POMT2: variants seen among roughly 807,000 people sequenced by gnomAD.
The protein encoded by POMT2 is protein O-mannosyl-transferase 2.
Under a neutral mutation model 100.0 loss-of-function variants are expected in POMT2, and 75 were observed. The ratio of observed to expected loss-of-function variants is 0.75; its 90% confidence interval spans 0.62 to 0.91. POMT2 has a LOEUF of 0.91. Ranked by LOEUF, POMT2 falls within the 40% of genes least tolerant of loss-of-function variation. The probability of loss-of-function intolerance (pLI) is 0.00; values close to 1 mark genes in which losing one functional copy is unlikely to be tolerated. For synonymous variants in POMT2, 378 were observed against 374.1 expected (o/e 1.01, Z -0.12); for missense variants, 940 against 955.1 (o/e 0.98, Z 0.21).
At chr14:77,301,635 C>A (rs2042045) in intron 5 of POMT2, among the ~76,000 whole-genome samples, 45,613 of 152,034 alleles carry the variant, frequency 0.3, 7,319 homozygotes, top group East Asian at 0.45. Flanking sequence ...TTGTCGAAGG[C>A]AGCATTTACC....
intron 2 of POMT2, among the ~76,000 whole-genome samples, chr14:77,310,468 T>C (rs1238745238): frequency 4.6e-5 from 7 of 152,180 alleles, no homozygotes. Context: ...TGTTATAGTA[T>C]AAAAGAGATA....
At chr14:77,296,909 C>T (rs1890852425) in intron 8 of POMT2, among the ~76,000 whole-genome samples, 3 of 152,228 alleles carry the variant, frequency 2.0e-5, no homozygotes, top group Admixed American at 2.0e-4. Flanking sequence ...AGAAGAATTA[C>T]ACACTGGATC....
intron 1 of POMT2, chr14:77,312,243 GC>G: frequency 1.4e-6 from 1 of 724,362 alleles, no homozygotes; most frequent in Non-Finnish European, 2.1e-6. Flanking sequence ...GATGAGAAAG[GC>G]GAGCAAATAT....
chr14:77,295,359 G>A (rs896017962), intron 9 of POMT2, among the ~76,000 whole-genome samples: 1 of 152,180 alleles, frequency 6.6e-6, no homozygotes, highest in East Asian at 1.9e-4. Flanking sequence ...CAGGCTGGGC[G>A]CGGTGGCTCA....
chr14:77,292,745 T>C (rs1235545816), intron 9 of POMT2, among the ~76,000 whole-genome samples: 1 of 152,246 alleles, frequency 6.6e-6, no homozygotes, highest in Non-Finnish European at 1.5e-5. Flanking sequence ...TGTTTAGATA[T>C]GTTTAAGTTA....
Position 77,296,214 on chromosome 14 carries a change from G to A in POMT2, c.1066C>T (p.His356Tyr). The A allele has an allele frequency of 6.2e-7, 1 of 1,609,444 alleles. No individual in the cohort carries two copies. Among genetic ancestry groups the A allele is most frequent in the East Asian group, 2.2e-5 (1 of 44,766 alleles). ...KNLRMAIGYL[H>Y]SHRHLYPEGI... is the part of the protein sequence containing the mutation. ...TCGGGGTAGAGGTGCCTGTGGGAGT[G>A]CAGATAGCCGATGGCCATCCGGAGG... is the stretch of plus-strand genomic sequence containing the variant. The change falls in exon 9 of 21, where the codon CAC becomes TAC. Residue 356 changes from histidine (H) to tyrosine (Y), a missense_variant. Coordinates refer to ENST00000261534, the MANE Select transcript of POMT2 (RefSeq NM_013382.7).
intron 13 of POMT2, 157 bp downstream of exon 13, chr14:77,285,324 T>A: frequency 9.9e-7 from 1 of 1,011,830 alleles, no homozygotes; most frequent in Non-Finnish European, 1.5e-6. Context: ...AGTTCTGTGC[T>A]CCATAATACA....
intron 3 of POMT2, among the ~76,000 whole-genome samples, chr14:77,305,164 T>C (rs1363339741): frequency 6.6e-6 from 1 of 152,202 alleles, no homozygotes; most frequent in Non-Finnish European, 1.5e-5. Flanking sequence ...AGCCATTAGC[T>C]TCTATTACAC....
chr14:77,287,540 C>CTA (rs1393003892), intron 11 of POMT2: 13 of 90,166 alleles, frequency 1.4e-4, no homozygotes, highest in Non-Finnish European at 1.7e-4. Context: ...CTCTCTCTCT[C>CTA]TCTCTATATA....
At chr14:77,304,607 G>T in intron 4 of POMT2, 85 bp downstream of exon 4, 1 of 1,537,184 alleles carries the variant, frequency 6.5e-7, no homozygotes, top group Non-Finnish European at 8.8e-7. Flanking sequence ...CCACATATAG[G>T]GCCCTTGAAT....
At chr14:77,280,957 A>G (rs796693374) in intron 15 of POMT2, among the ~76,000 whole-genome samples, 27 of 152,220 alleles carry the variant, frequency 1.8e-4, no homozygotes, top group African/African-American at 6.0e-4. Context: ...AGCTGAGCGT[A>G]GCGGTGGGTG....
At chr14:77,307,910 T>G (rs1018731777) in intron 2 of POMT2, among the ~76,000 whole-genome samples, 1 of 138,866 alleles carries the variant, frequency 7.2e-6, no homozygotes, top group African/African-American at 2.7e-5. Context: ...TCACCCAGGC[T>G]GGAGTGCGGT....
At position 77,298,709 on chromosome 14, in the gene POMT2, T is replaced by C. The variant is rs752569920; in HGVS notation, c.986A>G (p.His329Arg). ...FQARLSGNNL[H>R]NASIPEHLAY... is the part of the protein sequence containing the mutation. ...CTCACGTTCAGGGATGGAAGCATTG[T>C]GCAGGTTGTTCCCTGAAAGCCGGGC... Residue 329 changes from histidine (H) to arginine (R), a missense_variant, in exon 8 of 21, where the codon CAC becomes CGC. His to Arg is a conservative substitution (Grantham distance 29, BLOSUM62 0). Coordinates refer to ENST00000261534, the MANE Select transcript of POMT2 (RefSeq NM_013382.7). 7.4e-6 allele frequency: 12 copies of C among 1,613,680 alleles called. No homozygotes were observed. Among genetic ancestry groups the C allele is most frequent in the Non-Finnish European group, 1.0e-5 (12 of 1,179,890 alleles).
At chr14:77,298,650 C>T (rs1263650408) in intron 8 of POMT2, 39 bp downstream of exon 8, 3 of 1,608,324 alleles carry the variant, frequency 1.9e-6, no homozygotes, top group East Asian at 2.2e-5. Context: ...CAGGACACCC[C>T]TCTGCCTTCT....
Position 77,320,439 on chromosome 14 carries a change from G to C in POMT2, c.243C>G (p.His81Gln). 6.5e-7 allele frequency: 1 copy of C among 1,546,590 alleles called. No individual in the cohort carries two copies. The highest frequency in any genetic ancestry group is 8.7e-7 in the Non-Finnish European group (1 of 1,146,884). Residue 81 changes from histidine to glutamine, a missense_variant, in exon 1 of 21, where the codon CAC (histidine) becomes CAG (glutamine). Physicochemically the swap from His to Gln is conservative, Grantham distance 24. Coordinates refer to ENST00000261534, the MANE Select transcript of POMT2 (RefSeq NM_013382.7). ...GAGTCCCTCCCATCACTCACCAGATGTGCGGCGGCTCGTCCAAGCGGTGGA... is the reference window on the plus strand; with the variant it reads ...GAGTCCCTCCCATCACTCACCAGATCTGCGGCGGCTCGTCCAAGCGGTGGA... ...TRFHRLDEPP[H>Q]ICWDETHFGK... is the part of the protein sequence containing the mutation.
rs116434191 is a variant in POMT2 at position 77,277,454 on chromosome 14, G to A, written c.2175C>T (p.Tyr725=). The change falls in exon 21 of 21, where the codon TAC becomes TAT. Residue 725 remains tyrosine, a synonymous_variant. Transcript: ENST00000261534. ...CCTGGGCCAGGGGACCAACCATCCC[G>A]TAAGCCAGAGGGTGGAAGAGGTAGA... The part of the protein sequence containing the change: ...YSFYLFHPLA[Y]GMVGPLAQDP... 1,911 of 1,613,812 alleles carry A rather than the reference G, an allele frequency of 1.2e-3. 18 individuals carry two copies. In the African/African-American group the frequency reaches 0.022, roughly 18 times the overall value.
intron 2 of POMT2, 71 bp downstream of exon 2, chr14:77,311,878 T>C: frequency 1.3e-6 from 2 of 1,565,572 alleles, no homozygotes; most frequent in Non-Finnish European, 1.7e-6. Flanking sequence ...AAATCCAAAA[T>C]CAAGATGTGG....
At chr14:77,311,421 T>A (rs1029062804) in intron 2 of POMT2, among the ~76,000 whole-genome samples, 1 of 152,378 alleles carries the variant, frequency 6.6e-6, no homozygotes. Flanking sequence ...TGTGCAATCA[T>A]CACCACTACC....
chr14:77,280,056 C>T lies in POMT2; in HGVS notation c.1750G>A (p.Asp584Asn). ...AGCAGATAGACTCGGAAATCTGTGT[C>T]ATTGACCCCTGAGAAGCGTAGGCCC... is the stretch of plus-strand genomic sequence containing the variant. ...YQGLRFSGVN[D>N]TDFRVYLLGN... The change falls in exon 17 of 21, where the codon GAC becomes AAC. Residue 584 changes from aspartate to asparagine, a missense_variant. Physicochemically the swap from Asp to Asn is conservative, Grantham distance 23. Coordinates refer to ENST00000261534, the MANE Select transcript of POMT2 (RefSeq NM_013382.7). 2 of 1,613,914 alleles carry T rather than the reference C, an allele frequency of 1.2e-6. No homozygotes were observed. Among genetic ancestry groups the T allele is most frequent in the Non-Finnish European group, 1.7e-6 (2 of 1,180,008 alleles).
Sources: gnomAD v4.1 joint callset for allele counts (sites outside exome capture counted in the v4.1 genomes callset) on GRCh38, gnomAD v4.1.1 for gene constraint, MANE v1.5 for transcripts, NCBI Gene and HGNC (gene_info 2026-07-23, HGNC 2026-07-21) for gene names.